The following CHMP4B variants were observed in gnomAD, a reference collection of about 807,000 sequenced individuals.
The protein encoded by CHMP4B is SNF7 homolog associated with Alix 1.
A neutral mutation model predicts 25.1 loss-of-function variants in CHMP4B; 1 was observed. The ratio of observed to expected loss-of-function variants is 0.04; its 90% CI spans 0.01 to 0.19. The LOEUF (loss-of-function observed/expected upper bound fraction) is 0.19, where lower values mean the gene tolerates loss of function less well. Among genes scored for constraint, CHMP4B ranks in the 10% least tolerant of loss-of-function variants. The pLI is 1.00. For synonymous variants in CHMP4B, 101 were observed against 115.6 expected (o/e 0.87, Z 0.81); for missense variants, 151 against 289.7 (o/e 0.52, Z 3.48).
At chr20:33,830,476 A>G (rs1017874362) in intron 1 of CHMP4B, among the ~76,000 whole-genome samples, 3 of 152,226 alleles carry the variant, frequency 2.0e-5, no homozygotes, top group Non-Finnish European at 4.4e-5. Flanking sequence ...TCGATGGTCA[A>G]GGTGCTGGGT....
intron 1 of CHMP4B, among the ~76,000 whole-genome samples, chr20:33,813,019 C>A (rs1978680097): frequency 6.6e-6 from 1 of 151,690 alleles, no homozygotes. Flanking sequence ...GTACTAAACA[C>A]ACAAAAAGAT....
chr20:33,811,360 G>A lies in CHMP4B; in HGVS notation c.-109G>A. The stretch of plus-strand genomic sequence containing the variant: ...AGGCGGAGGCGGAGGAGAGGCCTGC[G>A]GCGGCAGGGAGCGGCGGGACTGGGA... On this transcript the variant is annotated 5_prime_UTR_variant, in exon 1 of 5. Transcript: ENST00000217402. The A allele has an allele frequency of 1.0e-6, 1 of 954,472 alleles. No homozygotes were observed. 59.1% of individuals were successfully genotyped at this position (954,472 alleles called of 1,614,324 possible). A position where few individuals can be genotyped will look rare whatever the true frequency, so the allele number is the denominator to read the frequency against.
chr20:33,830,933 G>GTTGTTTTTTTTTTTTT (rs746793442), intron 1 of CHMP4B, among the ~76,000 whole-genome samples: 1 of 102,522 alleles, frequency 9.8e-6, no homozygotes, highest in African/African-American at 3.7e-5. Context: ...AAGGAACAGA[G>GTTGTTTTTTTTTTTTT]TTTTTTTTTT....
At chr20:33,818,863 C>A (rs576890999) in intron 1 of CHMP4B, among the ~76,000 whole-genome samples, 1 of 152,270 alleles carries the variant, frequency 6.6e-6, no homozygotes, top group South Asian at 2.1e-4. Flanking sequence ...CTGTTCCTTC[C>A]TTTTTACTCT....
chr20:33,851,700 G>A (rs570933818), intron 3 of CHMP4B, among the ~76,000 whole-genome samples: 1 of 152,082 alleles, frequency 6.6e-6, no homozygotes, highest in African/African-American at 2.4e-5. Flanking sequence ...CAACACCAGG[G>A]TTTTCATGTT....
At chr20:33,836,090 G>A (rs894588881) in intron 1 of CHMP4B, among the ~76,000 whole-genome samples, 2 of 152,028 alleles carry the variant, frequency 1.3e-5, no homozygotes, top group East Asian at 1.9e-4. Flanking sequence ...TTTCTCCTTC[G>A]CTTTTTAAGC....
intron 1 of CHMP4B, among the ~76,000 whole-genome samples, chr20:33,826,222 G>C (rs1338122335): frequency 6.6e-6 from 1 of 152,174 alleles, no homozygotes; most frequent in East Asian, 1.9e-4. Flanking sequence ...TAGCACCAGG[G>C]GGATGGCAGG....
intron 1 of CHMP4B, among the ~76,000 whole-genome samples, chr20:33,823,084 G>A (rs550393135): frequency 7.9e-5 from 12 of 151,800 alleles, no homozygotes; most frequent in African/African-American, 1.5e-4. Context: ...CACCGCGCCC[G>A]GCCCAGTTAA....
chr20:33,842,520 A>T (rs1311108359), intron 1 of CHMP4B, among the ~76,000 whole-genome samples: 1 of 152,184 alleles, frequency 6.6e-6, no homozygotes, highest in Non-Finnish European at 1.5e-5. Flanking sequence ...AGGCAGGCAA[A>T]GTGGGGCCCC....
chr20:33,837,604 T>C (rs907556526), intron 1 of CHMP4B, among the ~76,000 whole-genome samples: 4 of 152,196 alleles, frequency 2.6e-5, no homozygotes, highest in African/African-American at 9.7e-5. Context: ...ATTCTAACTA[T>C]AGTTACCTTT....
chr20:33,811,742 T>C, intron 1 of CHMP4B, 84 bp downstream of exon 1: 1 of 1,404,798 alleles, frequency 7.1e-7, no homozygotes, highest in Non-Finnish European at 9.9e-7. Flanking sequence ...CAGACTCGCC[T>C]CGGGGTCTGG....
At chr20:33,823,458 A>G (rs572806320) in intron 1 of CHMP4B, among the ~76,000 whole-genome samples, 52 of 152,020 alleles carry the variant, frequency 3.4e-4, no homozygotes, top group Non-Finnish European at 6.3e-4. Context: ...TGTAGCCTGG[A>G]CATCCTGGGC....
intron 1 of CHMP4B, among the ~76,000 whole-genome samples, chr20:33,846,600 C>T (rs1474359840): frequency 6.6e-6 from 1 of 152,208 alleles, no homozygotes; most frequent in African/African-American, 2.4e-5. Context: ...GTGTGCTATA[C>T]GCAGGCCAAG....
Position 33,828,671 on chromosome 20 carries a change from T to G in CHMP4B, c.190+17013T>G, listed in dbSNP as rs117357202. Among the ~76,000 whole-genome samples the G allele has an allele frequency of 4.1e-4, 63 of 152,232 alleles. No individual in the cohort carries two copies. In the East Asian group the frequency reaches 0.012, roughly 28 times the overall value. On this transcript the variant is annotated intron_variant, in intron 1 of 4. Coordinates refer to ENST00000217402, the MANE Select transcript of CHMP4B (RefSeq NM_176812.5). ...CAGAATAATTCCTACTTTCGGCTCA[T>G]TTTACAGGACTCTGGGGAGGGTTAG...
At chr20:33,813,881 C>T (rs949334569) in intron 1 of CHMP4B, among the ~76,000 whole-genome samples, 19 of 152,038 alleles carry the variant, frequency 1.2e-4, no homozygotes, top group African/African-American at 3.9e-4. Flanking sequence ...TACAGGTGCA[C>T]GCCACCATGC....
Position 33,813,982 on chromosome 20 carries a change from C to T in CHMP4B, c.190+2324C>T, listed in dbSNP as rs137872665. ...ACCTGACCTCATGATCTGCCTGCCT[C>T]GGCCTCCCAAAGTGCTGGGATTATG... On this transcript the variant is annotated intron_variant, in intron 1 of 4. Coordinates refer to ENST00000217402, the MANE Select transcript of CHMP4B (RefSeq NM_176812.5). Among the ~76,000 whole-genome samples the T allele has an allele frequency of 7.0e-3, 1,067 of 152,296 alleles. 11 individuals are homozygous for T. The highest frequency in any genetic ancestry group is 0.024 in the African/African-American group (1,017 of 41,562).
At chr20:33,827,049 C>T (rs1979114106) in intron 1 of CHMP4B, among the ~76,000 whole-genome samples, 1 of 152,196 alleles carries the variant, frequency 6.6e-6, no homozygotes, top group Admixed American at 6.5e-5. Flanking sequence ...GATCTACTAT[C>T]CCATTCCCAA....
chr20:33,816,228 T>G (rs1978779702), intron 1 of CHMP4B, among the ~76,000 whole-genome samples: 1 of 152,200 alleles, frequency 6.6e-6, no homozygotes, highest in Non-Finnish European at 1.5e-5. Flanking sequence ...GGCCCCATCC[T>G]TGGTGCTGAG....
At chr20:33,830,933 G>GTTTTTTTTTTTTTT (rs55917511) in intron 1 of CHMP4B, among the ~76,000 whole-genome samples, 10,187 of 98,956 alleles carry the variant, frequency 0.1, 1,536 homozygotes, top group East Asian at 0.24. Flanking sequence ...AAGGAACAGA[G>GTTTTTTTTTTTTTT]TTTTTTTTTT....
Sources: gnomAD v4.1 joint callset for allele counts (sites outside exome capture counted in the v4.1 genomes callset) on GRCh38, gnomAD v4.1.1 for gene constraint, MANE v1.5 for transcripts, NCBI Gene and HGNC (gene_info 2026-07-23, HGNC 2026-07-21) for gene names.